Variants in ADAMTS18 observed in about 807,000 individuals in gnomAD.
The protein encoded by ADAMTS18 is A disintegrin and metalloproteinase with thrombospondin motifs 18.
In ADAMTS18, 157 loss-of-function variants were observed where a neutral mutation model predicts 165.9. The observed-to-expected ratio is 0.95, with a 90% CI of 0.83 to 1.08. The LOEUF (loss-of-function observed/expected upper bound fraction) is 1.08. Among genes scored for constraint, ADAMTS18 ranks in the 50% least tolerant of loss-of-function variants. ADAMTS18 has a pLI of 0.00. For missense variants in ADAMTS18, 2,040 were observed against 1,534.0 expected (o/e 1.33, Z -5.51); for synonymous variants, 782 against 578.2 (o/e 1.35, Z -5.06).
At chr16:77,434,350 T>G in intron 2 of ADAMTS18, 68 bp downstream of exon 2, 1 of 1,519,292 alleles carries the variant, frequency 6.6e-7, no homozygotes, top group Non-Finnish European at 8.8e-7. Context: ...ATCTTTTCTC[T>G]CTTTGGGGGA....
chr16:77,356,445 C>A (rs755198424), intron 8 of ADAMTS18, among the ~76,000 whole-genome samples: 1 of 152,034 alleles, frequency 6.6e-6, no homozygotes, highest in East Asian at 1.9e-4. Context: ...TCACCAACCA[C>A]GGAACTATGG....
At position 77,342,076 on chromosome 16, in the gene ADAMTS18, G is replaced by T. The variant is rs141448845; in HGVS notation, c.1615-277C>A. ...GAGAACACTTGGCTTGGAAGTGATA[G>T]ATCTGGTTTCTCATGATAGTGATGA... is the stretch of plus-strand genomic sequence containing the variant. On this transcript the variant is annotated intron_variant, in intron 10 of 22. Transcript: ENST00000282849. Among the ~76,000 whole-genome samples the T allele has an allele frequency of 4.1e-3, 622 of 152,270 alleles. 2 individuals carry two copies. The highest frequency in any genetic ancestry group is 0.012 in the African/African-American group (505 of 41,544).
Position 77,289,244 on chromosome 16 carries a change from G to C in ADAMTS18, c.3550+20C>G. On this transcript the variant is annotated intron_variant, in intron 22 of 22. Coordinates refer to ENST00000282849, the MANE Select transcript of ADAMTS18 (RefSeq NM_199355.4). ...TATCTAAAGACTAGTAAAGTTGACT[G>C]GAGCATGGTGCCTTTTTACCTCTCT... The C allele has an allele frequency of 6.2e-7, 1 of 1,613,970 alleles. No homozygotes were observed. The highest frequency in any genetic ancestry group is 8.5e-7 in the Non-Finnish European group (1 of 1,179,860).
At chr16:77,350,451 G>T (rs191165437) in intron 10 of ADAMTS18, among the ~76,000 whole-genome samples, 98 of 152,228 alleles carry the variant, frequency 6.4e-4, no homozygotes, top group Admixed American at 1.4e-3. Flanking sequence ...ATCAAGTGAT[G>T]CGACTGTACC....
chr16:77,353,882 G>A lies in ADAMTS18; in HGVS notation c.1465C>T (p.Pro489Ser). 1.2e-6 allele frequency: 2 copies of A among 1,614,126 alleles called. No individual in the cohort carries two copies. Among genetic ancestry groups the A allele is most frequent in the Non-Finnish European group, 1.7e-6 (2 of 1,180,024 alleles). ...RQYLKKFLSTPQAGCLVDEPK... is the reference protein window; with the variant it reads ...RQYLKKFLSTSQAGCLVDEPK... ...TCATCCACTAGACACCCCGCCTGAGGTGTGCTGTAATGACAATACATGCTT... is the reference window on the plus strand; with the variant it reads ...TCATCCACTAGACACCCCGCCTGAGATGTGCTGTAATGACAATACATGCTT... Residue 489 changes from proline to serine, a missense_variant, in exon 10 of 23, where the codon CCT becomes TCT. Transcript: ENST00000282849.
At chr16:77,304,176 G>A (rs2055640683) in intron 16 of ADAMTS18, among the ~76,000 whole-genome samples, 1 of 152,112 alleles carries the variant, frequency 6.6e-6, no homozygotes, top group African/African-American at 2.4e-5. Flanking sequence ...TAGCGAAGAA[G>A]ACACAAAGCA....
chr16:77,396,512 A>G (rs1212937845), intron 3 of ADAMTS18, among the ~76,000 whole-genome samples: 1 of 152,234 alleles, frequency 6.6e-6, no homozygotes, highest in Non-Finnish European at 1.5e-5. Flanking sequence ...GTTATTAGAA[A>G]CACAAGGCTG....
At chr16:77,347,459 G>T (rs1027184384) in intron 10 of ADAMTS18, among the ~76,000 whole-genome samples, 2 of 152,132 alleles carry the variant, frequency 1.3e-5, no homozygotes, top group African/African-American at 4.8e-5. Context: ...CTGGTCTTCG[G>T]TATCATTTGG....
chr16:77,415,461 G>T (rs1317076567), intron 3 of ADAMTS18, among the ~76,000 whole-genome samples: 1 of 152,178 alleles, frequency 6.6e-6, no homozygotes. Context: ...CAAGATGGTT[G>T]CCAGCAACCC....
chr16:77,416,156 A>G (rs8059111), intron 3 of ADAMTS18, among the ~76,000 whole-genome samples: 91,534 of 151,998 alleles, frequency 0.6, 28,500 homozygotes, highest in Middle Eastern at 0.73. Context: ...CAGTATTTGC[A>G]TAGGGAACTG....
intron 16 of ADAMTS18, among the ~76,000 whole-genome samples, chr16:77,311,375 A>G (rs2055777012): frequency 6.6e-6 from 1 of 152,236 alleles, no homozygotes; most frequent in African/African-American, 2.4e-5. Context: ...GTTTGGCTCC[A>G]AAAGTATTCA....
chr16:77,343,754 G>A (rs191385224), intron 10 of ADAMTS18, among the ~76,000 whole-genome samples: 48 of 152,166 alleles, frequency 3.2e-4, no homozygotes, highest in East Asian at 1.9e-4. Context: ...ATTACTTTCC[G>A]TTCTAACAGT....
intron 22 of ADAMTS18, among the ~76,000 whole-genome samples, chr16:77,287,305 C>CGACATTCATAGTAGT: frequency 6.6e-6 from 1 of 152,120 alleles, no homozygotes; most frequent in Non-Finnish European, 1.5e-5. Context: ...TACACTCAAA[C>CGACATTCATAGTAGT]GACATTCATA....
At chr16:77,384,349 G>A (rs1417103953) in intron 3 of ADAMTS18, among the ~76,000 whole-genome samples, 1 of 152,094 alleles carries the variant, frequency 6.6e-6, no homozygotes, top group Non-Finnish European at 1.5e-5. Flanking sequence ...ACATATCAAG[G>A]AAACAATTAT....
chr16:77,369,445 G>A (rs557854551), intron 3 of ADAMTS18, among the ~76,000 whole-genome samples: 24 of 151,770 alleles, frequency 1.6e-4, no homozygotes, highest in Non-Finnish European at 2.9e-4. Flanking sequence ...GTTATTTTTG[G>A]GATCTAATTT....
chr16:77,292,832 T>G (rs1368460547), intron 20 of ADAMTS18, among the ~76,000 whole-genome samples: 1 of 152,062 alleles, frequency 6.6e-6, no homozygotes, highest in Admixed American at 6.6e-5. Context: ...AGTGACTTTT[T>G]TTTTTGAGAC....
intron 16 of ADAMTS18, among the ~76,000 whole-genome samples, chr16:77,314,789 A>G (rs866914448): frequency 1.2e-4 from 4 of 32,556 alleles, no homozygotes; most frequent in Non-Finnish European, 2.9e-4. Context: ...TATATATAAA[A>G]TATATGTGAT....
chr16:77,410,839 A>T (rs75970747), intron 3 of ADAMTS18, among the ~76,000 whole-genome samples: 1,666 of 152,314 alleles, frequency 0.011, 21 homozygotes, highest in Middle Eastern at 0.037. Context: ...CACCCAGCCA[A>T]TATGGCAACA....
At chr16:77,419,687 G>A (rs994917278) in intron 3 of ADAMTS18, among the ~76,000 whole-genome samples, 1 of 152,110 alleles carries the variant, frequency 6.6e-6, no homozygotes, top group African/African-American at 2.4e-5. Context: ...GGTACACTGG[G>A]AGCCAGCAAT....
Sources: gnomAD v4.1 joint callset for allele counts (sites outside exome capture counted in the v4.1 genomes callset) on GRCh38, gnomAD v4.1.1 for gene constraint, MANE v1.5 for transcripts, NCBI Gene and HGNC (gene_info 2026-07-23, HGNC 2026-07-21) for gene names.